The following LMOD3 variants were observed in gnomAD, a reference collection of about 807,000 sequenced individuals.
LMOD3 encodes leiomodin-3.
In LMOD3, 31 loss-of-function variants were observed where a neutral mutation model predicts 41.8. The observed-to-expected ratio is 0.74, with a 90% CI of 0.56 to 1.00. The LOEUF is 1.00. Among genes scored for constraint, LMOD3 ranks in the 50% least tolerant of loss-of-function variants. The pLI, the probability that LMOD3 is intolerant of heterozygous loss-of-function variation, is 0.00. For missense variants in LMOD3, 755 were observed against 679.5 expected, an observed-to-expected ratio of 1.11 and a Z score of -1.23; for synonymous variants, 292 against 241.9, an observed-to-expected ratio of 1.21 and a Z score of -1.92.
At chr3:69,116,143 A>C (rs890291618) in intron 2 of LMOD3, among the ~76,000 whole-genome samples, 2 of 152,244 alleles carry the variant, frequency 1.3e-5, no homozygotes, top group Non-Finnish European at 2.9e-5. Flanking sequence ...TTTGGCTTTA[A>C]AGCAGAAATT....
Position 69,107,453 on chromosome 3 carries a change from G to GTTTTTTTTTGTTTTTTT in LMOD3, c.*1641_*1642insAAAAAAACAAAAAAAAA, listed in dbSNP as rs2092327754. ...AAAGAAGAGAGAAAAGGCACCAAAG[G>GTTTTTTTTTGTTTTTTT]TTTTTTTTTTTTTTTTTTTTTTTTT... On this transcript the variant is annotated 3_prime_UTR_variant, in exon 3 of 3. Coordinates refer to ENST00000420581, the MANE Select transcript of LMOD3 (RefSeq NM_198271.5). 1 of 37,356 alleles carries GTTTTTTTTTGTTTTTTT rather than the reference G, an allele frequency of 2.7e-5. No individual in the cohort carries two copies. The allele number at this position is 37,356 out of a possible 1,614,324, so 2.3% of individuals were successfully genotyped here.
Position 69,110,853 on chromosome 3 carries a change from A to AAAAAAAAAAAAT in LMOD3, c.1657-1733_1657-1732insATTTTTTTTTTT, listed in dbSNP as rs1458630453. The stretch of plus-strand genomic sequence containing the variant: ...GACACCATCTCAAAAAAAAAAAAAA[A>AAAAAAAAAAAAT]ATATATATATATATATATATATATT... On this transcript the variant is annotated intron_variant, in intron 2 of 2. Transcript: ENST00000420581. Among the ~76,000 whole-genome samples, 75 of 104,106 alleles carry AAAAAAAAAAAAT rather than the reference A, an allele frequency of 7.2e-4. 1 individual carries two copies. The highest frequency in any genetic ancestry group is 3.4e-3 in the African/African-American group (70 of 20,798). The allele number at this position is 104,106 out of a possible 152,430, so 68.3% of individuals were successfully genotyped here. A position where few individuals can be genotyped will look rare whatever the true frequency, so the allele number is the denominator to read the frequency against.
chr3:69,118,884 T>G lies in LMOD3; in HGVS notation c.1471A>C (p.Lys491Gln), dbSNP rs2092390237. The change falls in exon 2 of 3, where the codon AAG (lysine) becomes CAG (glutamine). Residue 491 changes from lysine (K) to glutamine (Q), a missense_variant. Coordinates refer to ENST00000420581, the MANE Select transcript of LMOD3 (RefSeq NM_198271.5). ...DPDSFRVVKL[K>Q]RIQRKSRMPE... ...ATCCGAGATTTGCGCTGGATTCTCTTCAGCTTCACCACCCGGAAGGAGTCA... is the reference window on the plus strand; with the variant it reads ...ATCCGAGATTTGCGCTGGATTCTCTGCAGCTTCACCACCCGGAAGGAGTCA... The G allele has an allele frequency of 8.1e-6, 13 of 1,611,526 alleles. No homozygotes were observed. The highest frequency in any genetic ancestry group is 9.3e-6 in the Non-Finnish European group (11 of 1,179,382).
chr3:69,106,977 G>T lies in LMOD3; in HGVS notation c.*2118C>A, dbSNP rs2092325472. The T allele has an allele frequency of 6.6e-6, 1 of 150,548 alleles. No individual in the cohort carries two copies. The allele number at this position is 150,548 out of a possible 1,614,324, so 9.3% of individuals were successfully genotyped here. On this transcript the variant is annotated 3_prime_UTR_variant, in exon 3 of 3. Coordinates refer to ENST00000420581, the MANE Select transcript of LMOD3 (RefSeq NM_198271.5). ...CCCACCTCGGCCGCCTACAGTGCTG[G>T]GATTACAGGCATGAGCCACCGCACC... is the stretch of plus-strand genomic sequence containing the variant.
rs1040593714 is a variant in LMOD3 at position 69,106,142 on chromosome 3, A to C, written c.*2953T>G. 3.9e-5 allele frequency: 6 copies of C among 152,354 alleles called. No homozygotes were observed. Among genetic ancestry groups the C allele is most frequent in the Admixed American group, 2.6e-4 (4 of 15,310 alleles). 9.4% of individuals were successfully genotyped at this position (152,354 alleles called of 1,614,324 possible). On this transcript the variant is annotated 3_prime_UTR_variant, in exon 3 of 3. Transcript: ENST00000420581. ...CTTGGCGACGACCCTATAAACAGTG[A>C]AGCAAACACTTCAGCTGTTTCAAAT...
At chr3:69,117,428 TAC>T (rs1437109485) in intron 2 of LMOD3, among the ~76,000 whole-genome samples, 6 of 152,158 alleles carry the variant, frequency 3.9e-5, no homozygotes, top group Non-Finnish European at 7.4e-5. Context: ...CAAAATAATA[TAC>T]AGACTATTCT....
rs752210435 is a variant in LMOD3 at position 69,119,248 on chromosome 3, A to T, written c.1107T>A (p.Thr369=). ...EIARLLKANN[T]LLKMGYHFEL... ...CAAAATGGTAGCCCATCTTCAGGAG[A>T]GTGTTGTTTGCCTTCAAAAGCCTGG... The change falls in exon 2 of 3, where the codon ACT becomes ACA. Residue 369 remains threonine, a synonymous_variant. Transcript: ENST00000420581. 1 of 1,613,780 alleles carries T rather than the reference A, an allele frequency of 6.2e-7. No individual in the cohort carries two copies. The highest frequency in any genetic ancestry group is 2.2e-5 in the East Asian group (1 of 44,858).
intron 2 of LMOD3, among the ~76,000 whole-genome samples, chr3:69,112,566 A>AGC (rs2092354814): frequency 6.6e-6 from 1 of 152,214 alleles, no homozygotes; most frequent in Non-Finnish European, 1.5e-5. Context: ...ATTTGAGTCA[A>AGC]GCCTTGGAAA....
intron 2 of LMOD3, among the ~76,000 whole-genome samples, chr3:69,113,571 ATAT>A (rs2092358819): frequency 6.6e-6 from 1 of 152,344 alleles, no homozygotes; most frequent in East Asian, 1.9e-4. Flanking sequence ...GCGGCCCATG[ATAT>A]TATTATACTG....
At chr3:69,111,378 G>A (rs939214917) in intron 2 of LMOD3, among the ~76,000 whole-genome samples, 1 of 152,142 alleles carries the variant, frequency 6.6e-6, no homozygotes, top group East Asian at 1.9e-4. Context: ...CACCCTGCAG[G>A]GCTCTCCCAT....
chr3:69,119,754 C>G lies in LMOD3; in HGVS notation c.601G>C (p.Asp201His). 2 of 1,613,682 alleles carry G rather than the reference C, an allele frequency of 1.2e-6. No individual in the cohort carries two copies. Among genetic ancestry groups the G allele is most frequent in the Non-Finnish European group, 1.7e-6 (2 of 1,179,748 alleles). The change falls in exon 2 of 3, where the codon GAC becomes CAC. Residue 201 changes from aspartate to histidine, a missense_variant. Transcript: ENST00000420581. ...VTDKAFKEQRDRPEAQEQSEK... is the reference protein window; with the variant it reads ...VTDKAFKEQRHRPEAQEQSEK... ...CTTTGTTCTTGGGCCTCTGGTCTGT[C>G]TCTCTGTTCTTTGAATGCTTTGTCA...
Position 69,115,435 on chromosome 3 carries a change from T to C in LMOD3, c.1656+3264A>G, listed in dbSNP as rs372110982. 5.9e-4 allele frequency among the ~76,000 whole-genome samples: 90 copies of C among 151,600 alleles called. 1 individual carries two copies. The highest frequency in any genetic ancestry group is 1.2e-3 in the South Asian group (6 of 4,814). ...AGGTTGAGGCTGCAGTGAGCCATAA[T>C]TGAGCTACTGCACTCCAGCCTGGGT... On this transcript the variant is annotated intron_variant, in intron 2 of 2. Transcript: ENST00000420581.
intron 2 of LMOD3, among the ~76,000 whole-genome samples, chr3:69,115,307 T>G (rs1401964236): frequency 6.6e-6 from 1 of 151,730 alleles, no homozygotes; most frequent in East Asian, 1.9e-4. Flanking sequence ...CATAGTGAGA[T>G]CTCATCCCTA....
In LMOD3 at chr3:69,106,615, C is replaced by T. The variant is rs770159962; in HGVS notation, c.*2480G>A. Among the ~76,000 whole-genome samples, 2 of 151,838 alleles carry T rather than the reference C, an allele frequency of 1.3e-5. No homozygotes were observed. Among genetic ancestry groups the T allele is most frequent in the Non-Finnish European group, 1.5e-5 (1 of 67,980 alleles). On this transcript the variant is annotated 3_prime_UTR_variant, in exon 3 of 3. Coordinates refer to ENST00000420581, the MANE Select transcript of LMOD3 (RefSeq NM_198271.5). ...CTTCTTGTATATCTAAGATAAAAAC[C>T]CTCTTACTGTGCATTTTGAAATTCC...
chr3:69,118,888 C>G lies in LMOD3; in HGVS notation c.1467G>C (p.Lys489Asn). 6.2e-7 allele frequency: 1 copy of G among 1,611,432 alleles called. No individual in the cohort carries two copies. The highest frequency in any genetic ancestry group is 8.5e-7 in the Non-Finnish European group (1 of 1,179,398). Reference protein sequence around the residue: ...RTDPDSFRVVKLKRIQRKSRM... With the variant: ...RTDPDSFRVVNLKRIQRKSRM... ...GAGATTTGCGCTGGATTCTCTTCAGCTTCACCACCCGGAAGGAGTCAGGGT... is the reference window on the plus strand; with the variant it reads ...GAGATTTGCGCTGGATTCTCTTCAGGTTCACCACCCGGAAGGAGTCAGGGT... The change falls in exon 2 of 3, where the codon AAG (lysine) becomes AAC (asparagine). Residue 489 changes from lysine (K) to asparagine (N), a missense_variant. Physicochemically the swap from Lys to Asn is moderately conservative, Grantham distance 94 (BLOSUM62 0). Coordinates refer to ENST00000420581, the MANE Select transcript of LMOD3 (RefSeq NM_198271.5).
At chr3:69,112,271 G>C (rs1322546893) in intron 2 of LMOD3, among the ~76,000 whole-genome samples, 1 of 152,234 alleles carries the variant, frequency 6.6e-6, no homozygotes, top group Non-Finnish European at 1.5e-5. Flanking sequence ...CTTGGAGGCA[G>C]AGCGGGTGGG....
rs1185684751 is a variant in LMOD3 at position 69,119,753 on chromosome 3, T to C, written c.602A>G (p.Asp201Gly). 6.2e-7 allele frequency: 1 copy of C among 1,613,742 alleles called. No individual in the cohort carries two copies. The highest frequency in any genetic ancestry group is 8.5e-7 in the Non-Finnish European group (1 of 1,179,746). The change falls in exon 2 of 3, where the codon GAC becomes GGC. Residue 201 changes from aspartate (D) to glycine (G), a missense_variant. Physicochemically the swap from Asp to Gly is moderately conservative, Grantham distance 94. Transcript: ENST00000420581. ...ACTTTGTTCTTGGGCCTCTGGTCTG[T>C]CTCTCTGTTCTTTGAATGCTTTGTC... ...VTDKAFKEQR[D>G]RPEAQEQSEK...
intron 2 of LMOD3, among the ~76,000 whole-genome samples, chr3:69,110,736 A>G (rs1178009095): frequency 6.8e-6 from 1 of 146,636 alleles, no homozygotes; most frequent in African/African-American, 2.5e-5. Context: ...CCAGCTACTC[A>G]GGGAGCTGAG....
intron 2 of LMOD3, among the ~76,000 whole-genome samples, chr3:69,110,377 A>G (rs934001873): frequency 6.6e-6 from 1 of 151,446 alleles, no homozygotes; most frequent in African/African-American, 2.4e-5. Flanking sequence ...CTACAGGTGC[A>G]TGCCACCACG....
Sources: gnomAD v4.1 joint callset for allele counts (sites outside exome capture counted in the v4.1 genomes callset) on GRCh38, gnomAD v4.1.1 for gene constraint, MANE v1.5 for transcripts, NCBI Gene and HGNC (gene_info 2026-07-23, HGNC 2026-07-21) for gene names.